Variants in TMEM200A observed in about 807,000 individuals in gnomAD.
TMEM200A encodes two transmembrane C.
TMEM200A carries 12 observed loss-of-function variants against 24.3 expected under a neutral mutation model. The ratio of observed to expected loss-of-function variants is 0.49; its 90% CI spans 0.32 to 0.80. TMEM200A has a LOEUF of 0.80. Among genes scored for constraint, TMEM200A ranks in the 30% least tolerant of loss-of-function variants. TMEM200A has a pLI of 0.04. For missense variants in TMEM200A, 545 were observed against 614.4 expected, an observed-to-expected ratio of 0.89 and a Z score of 1.19; for synonymous variants, 224 against 224.4, an observed-to-expected ratio of 1.00 and a Z score of 0.02.
At chr6:130,378,321 T>G (rs1034039011) in intron 1 of TMEM200A, among the ~76,000 whole-genome samples, 3 of 151,988 alleles carry the variant, frequency 2.0e-5, no homozygotes, top group Non-Finnish European at 4.4e-5. Flanking sequence ...GAAGGAAATA[T>G]GCAGTGATTA....
At chr6:130,431,369 C>A (rs995981229) in intron 2 of TMEM200A, among the ~76,000 whole-genome samples, 3 of 152,126 alleles carry the variant, frequency 2.0e-5, no homozygotes, top group Non-Finnish European at 4.4e-5. Flanking sequence ...TTAAATGCTT[C>A]AGTTCTTCAT....
Position 130,441,174 on chromosome 6 carries a change from C to G in TMEM200A, c.752C>G (p.Ser251Cys). The part of the protein sequence containing the change: ...HLMPPLLSDS[S>C]VSVFGLYPPP... ...ATGCCCCCTTTGCTCTCTGACAGCT[C>G]TGTGTCTGTCTTTGGCCTCTATCCA... Residue 251 changes from serine (S) to cysteine (C), a missense_variant, in exon 3 of 3, where the codon TCT (serine) becomes TGT (cysteine). Physicochemically the swap from Ser to Cys is moderately radical, Grantham distance 112 (BLOSUM62 -1). Coordinates refer to ENST00000296978, the MANE Select transcript of TMEM200A (RefSeq NM_001258277.2). The G allele has an allele frequency of 6.2e-7, 1 of 1,614,052 alleles. No individual in the cohort carries two copies.
At chr6:130,419,597 G>C (rs1478420712) in intron 2 of TMEM200A, among the ~76,000 whole-genome samples, 1 of 152,036 alleles carries the variant, frequency 6.6e-6, no homozygotes, top group Non-Finnish European at 1.5e-5. Context: ...TTTTTGTCTA[G>C]ATGTGGGCAA....
chr6:130,442,226 G>A lies in TMEM200A; in HGVS notation c.*328G>A, dbSNP rs188404174. 15 of 220,102 alleles carry A rather than the reference G, an allele frequency of 6.8e-5. No individual in the cohort carries two copies. The Admixed American group carries it at 7.9e-4, about 12-fold the overall frequency. 13.6% of individuals were successfully genotyped at this position (220,102 alleles called of 1,614,324 possible). A position where few individuals can be genotyped will look rare whatever the true frequency, so the allele number is the denominator to read the frequency against. On this transcript the variant is annotated 3_prime_UTR_variant, in exon 3 of 3. Coordinates refer to ENST00000296978, the MANE Select transcript of TMEM200A (RefSeq NM_001258277.2). Reference sequence around the variant, plus strand: ...GATTGCCCTATTCATAAAATGAAATGTCCAGTATGGAAAACATAGGGTACC... The same window carrying A: ...GATTGCCCTATTCATAAAATGAAATATCCAGTATGGAAAACATAGGGTACC...
In TMEM200A at chr6:130,440,962, A is replaced by C; in HGVS notation, c.540A>C (p.Gln180His). The change falls in exon 3 of 3, where the codon CAA becomes CAC. Residue 180 changes from glutamine (Q) to histidine (H), a missense_variant. Physicochemically the swap from Gln to His is conservative, Grantham distance 24 (BLOSUM62 0). Transcript: ENST00000296978. ...IHTLRIKEQR[Q>H]MNGMYTGLMG... ...CGCTAAGAATCAAGGAGCAAAGGCA[A>C]ATGAACGGCATGTACACTGGTTTGA... 6.2e-7 allele frequency: 1 copy of C among 1,614,114 alleles called. No homozygotes were observed. Among genetic ancestry groups the C allele is most frequent in the Non-Finnish European group, 8.5e-7 (1 of 1,180,006 alleles).
chr6:130,438,779 A>G (rs1230732079), intron 2 of TMEM200A: 3 of 152,254 alleles, frequency 2.0e-5, no homozygotes, highest in Admixed American at 1.3e-4. Context: ...AAGAACTGTG[A>G]TACTATAATA....
At chr6:130,398,216 CAT>C (rs2115125060) in intron 2 of TMEM200A, among the ~76,000 whole-genome samples, 1 of 152,058 alleles carries the variant, frequency 6.6e-6, no homozygotes, top group East Asian at 1.9e-4. Context: ...GAAGTAGGAA[CAT>C]GTGGTTGGTT....
intron 2 of TMEM200A, among the ~76,000 whole-genome samples, chr6:130,434,697 G>A (rs1477851022): frequency 6.6e-6 from 1 of 152,148 alleles, no homozygotes; most frequent in East Asian, 1.9e-4. Flanking sequence ...ACGGTATGTG[G>A]TATAGTATTA....
intron 2 of TMEM200A, among the ~76,000 whole-genome samples, chr6:130,419,289 A>T (rs947767578): frequency 1.3e-4 from 20 of 152,190 alleles, no homozygotes; most frequent in African/African-American, 3.4e-4. Flanking sequence ...CATTGTGTGT[A>T]TATACCATGT....
rs1321670608 is a variant in TMEM200A, at chr6:130,442,585, C to T, written c.*687C>T. 3 of 166,866 alleles carry T rather than the reference C, an allele frequency of 1.8e-5. No individual in the cohort carries two copies. The highest frequency in any genetic ancestry group is 4.4e-5 in the Non-Finnish European group (3 of 68,084). 10.3% of individuals were successfully genotyped at this position (166,866 alleles called of 1,614,324 possible). A position where few individuals can be genotyped will look rare whatever the true frequency, so the allele number is the denominator to read the frequency against. On this transcript the variant is annotated 3_prime_UTR_variant, in exon 3 of 3. Transcript: ENST00000296978. ...AAACATCAAAATGCAATTATAGTTG[C>T]TATAACGTTAGATACTCGGAATCAA...
chr6:130,385,229 C>G lies in TMEM200A; in HGVS notation c.-24C>G, dbSNP rs1428789651. ...GCAAGGGATTTCCTGGGACATCTGG[C>G]TCTGGAGGTGAGCGACAGCAGGGAA... is the stretch of plus-strand genomic sequence containing the variant. On this transcript the variant is annotated 5_prime_UTR_variant, in exon 2 of 3. Transcript: ENST00000296978. 2 of 152,188 alleles carry G rather than the reference C, an allele frequency of 1.3e-5. No homozygotes were observed. Among genetic ancestry groups the G allele is most frequent in the East Asian group, 3.9e-4 (2 of 5,194 alleles). 9.4% of individuals were successfully genotyped at this position (152,188 alleles called of 1,614,324 possible).
chr6:130,403,023 C>T (rs1779123861), intron 2 of TMEM200A, among the ~76,000 whole-genome samples: 1 of 152,104 alleles, frequency 6.6e-6, no homozygotes, highest in African/African-American at 2.4e-5. Flanking sequence ...TCCAAATCCT[C>T]AGTGGCATAA....
rs542643674 is a variant in TMEM200A at position 130,387,328 on chromosome 6, A to T, written c.-17+2092A>T. ...CGCTCTGTCACCCAGGCTGGAGTGC[A>T]ATGGCGTGATCTCGGCTGACTGCAA... On this transcript the variant is annotated intron_variant, in intron 2 of 2. Transcript: ENST00000296978. Among the ~76,000 whole-genome samples the T allele has an allele frequency of 1.6e-4, 24 of 152,330 alleles. 2 individuals carry two copies. The South Asian group carries it at 4.6e-3, about 29-fold the overall frequency.
At chr6:130,375,974 A>T (rs1192255751) in intron 1 of TMEM200A, among the ~76,000 whole-genome samples, 3 of 146,158 alleles carry the variant, frequency 2.1e-5, no homozygotes, top group Non-Finnish European at 4.5e-5. Flanking sequence ...AAGGGGTTTT[A>T]ATATAAATAT....
intron 2 of TMEM200A, chr6:130,437,170 G>A (rs1183985752): frequency 3.9e-5 from 6 of 152,282 alleles, no homozygotes; most frequent in East Asian, 1.9e-4. Flanking sequence ...TGTCCCTCTC[G>A]CTCTGGCCTT....
At chr6:130,402,802 A>T (rs753346609) in intron 2 of TMEM200A, among the ~76,000 whole-genome samples, 21 of 152,154 alleles carry the variant, frequency 1.4e-4, no homozygotes, top group Non-Finnish European at 2.9e-4. Context: ...AAAGTGAAAT[A>T]TCCCTAACCT....
Position 130,441,774 on chromosome 6 carries a change from A to G in TMEM200A, c.1352A>G (p.Lys451Arg), listed in dbSNP as rs1341623470. The G allele has an allele frequency of 1.9e-6, 3 of 1,614,024 alleles. No homozygotes were observed. The highest frequency in any genetic ancestry group is 2.5e-6 in the Non-Finnish European group (3 of 1,179,990). ...DRLLVPQVAI[K>R]KDFTNKEKLL... ...TTGCTTGTGCCCCAAGTTGCCATCAAAAAGGACTTTACCAATAAGGAGAAG... is the reference window on the plus strand; with the variant it reads ...TTGCTTGTGCCCCAAGTTGCCATCAGAAAGGACTTTACCAATAAGGAGAAG... Residue 451 changes from lysine to arginine, a missense_variant, in exon 3 of 3, where the codon AAA becomes AGA. Transcript: ENST00000296978.
intron 1 of TMEM200A, among the ~76,000 whole-genome samples, chr6:130,375,372 G>A (rs112000777): frequency 9.9e-5 from 15 of 152,180 alleles, no homozygotes; most frequent in African/African-American, 2.6e-4. Context: ...TATAACATGC[G>A]TTAAAAAGTA....
intron 2 of TMEM200A, among the ~76,000 whole-genome samples, chr6:130,408,938 A>T (rs1779270677): frequency 6.6e-6 from 1 of 151,682 alleles, no homozygotes; most frequent in Middle Eastern, 3.4e-3. Context: ...CAGGACCACC[A>T]CCCCCTCCCT....
Sources: allele counts gnomAD v4.1 joint callset (sites outside exome capture counted in the v4.1 genomes callset), GRCh38; gene constraint gnomAD v4.1.1; transcripts MANE v1.5; gene names NCBI Gene and HGNC (gene_info 2026-07-23, HGNC 2026-07-21).